Variants in ENOPH1 observed in about 807,000 individuals in gnomAD.
The protein encoded by ENOPH1 is enolase-phosphatase E1.
Under a neutral mutation model 31.1 loss-of-function variants are expected in ENOPH1, and 14 were observed. The observed-to-expected ratio is 0.45, with a 90% CI of 0.30 to 0.70. ENOPH1 has a LOEUF of 0.70. ENOPH1 is among the 30% of genes least tolerant of loss of function. The pLI, the probability that ENOPH1 is intolerant of heterozygous loss-of-function variation, is 0.09. For missense variants in ENOPH1, 243 were observed against 321.5 expected, an observed-to-expected ratio of 0.76 and a Z score of 1.87; for synonymous variants, 127 against 123.2, an observed-to-expected ratio of 1.03 and a Z score of -0.21.
rs1312376145 is a variant in ENOPH1, at chr4:82,460,442, GT to G, written c.*323del. The G allele has an allele frequency of 5.5e-6, 1 of 180,416 alleles. No homozygotes were observed. Among genetic ancestry groups the G allele is most frequent in the Non-Finnish European group, 1.1e-5 (1 of 87,290 alleles). The allele number at this position is 180,416 out of a possible 1,614,324, so 11.2% of individuals were successfully genotyped here. A position where few individuals can be genotyped will look rare whatever the true frequency, so the allele number is the denominator to read the frequency against. ...TAATGTGCTATGTTTATCAAATCGTGTACTAAAATGGAAAGCTAGTTTTGAG... is the reference window on the plus strand; with the variant it reads ...TAATGTGCTATGTTTATCAAATCGTGACTAAAATGGAAAGCTAGTTTTGAG... On this transcript the variant is annotated 3_prime_UTR_variant, in exon 6 of 6. Coordinates refer to ENST00000273920, the MANE Select transcript of ENOPH1 (RefSeq NM_021204.5).
In ENOPH1 at chr4:82,450,323, G is replaced by A. The variant is rs72909838; in HGVS notation, c.187-720G>A. Among the ~76,000 whole-genome samples the A allele has an allele frequency of 4.2e-3, 639 of 152,310 alleles. 4 individuals are homozygous for A. Among genetic ancestry groups the A allele is most frequent in the East Asian group, 0.04 (207 of 5,188 alleles). On this transcript the variant is annotated intron_variant, in intron 2 of 5. Transcript: ENST00000273920. ...CACATAAATGTTATAACAAAATGATGTTGAAGGAAATGACATTACTTGAGA... is the reference window on the plus strand; with the variant it reads ...CACATAAATGTTATAACAAAATGATATTGAAGGAAATGACATTACTTGAGA...
chr4:82,430,879 T>C lies in ENOPH1; in HGVS notation c.50T>C (p.Ile17Thr). The change falls in exon 1 of 6, where the codon ATC becomes ACC. Residue 17 changes from isoleucine (I) to threonine (T), a missense_variant. Ile to Thr is a moderately conservative substitution (Grantham distance 89). Coordinates refer to ENST00000273920, the MANE Select transcript of ENOPH1 (RefSeq NM_021204.5). ...GAAGTCACCGTGATCCTGTTAGATA[T>C]CGAAGGTACCACAACCCCGATTGCT... is the stretch of plus-strand genomic sequence containing the variant. ...PAEVTVILLD[I>T]EGTTTPIAFV... is the part of the protein sequence containing the mutation. 6.2e-7 allele frequency: 1 copy of C among 1,614,210 alleles called. No individual in the cohort carries two copies. Among genetic ancestry groups the C allele is most frequent in the Non-Finnish European group, 8.5e-7 (1 of 1,180,014 alleles).
chr4:82,446,291 G>A (rs1560465566), intron 1 of ENOPH1, among the ~76,000 whole-genome samples: 2 of 151,978 alleles, frequency 1.3e-5, no homozygotes, highest in Admixed American at 6.6e-5. Context: ...GGTGGCAGGT[G>A]CCTGTAATCC....
intron 4 of ENOPH1, among the ~76,000 whole-genome samples, chr4:82,455,551 T>A (rs764130783): frequency 6.6e-6 from 1 of 151,804 alleles, no homozygotes; most frequent in African/African-American, 2.4e-5. Context: ...GAGGCCAAGG[T>A]GGGCGGATCA....
intron 1 of ENOPH1, among the ~76,000 whole-genome samples, chr4:82,437,659 G>A (rs1184010079): frequency 6.6e-6 from 1 of 152,200 alleles, no homozygotes; most frequent in Non-Finnish European, 1.5e-5. Context: ...TTCGTCCTCT[G>A]AACTCATTGT....
At chr4:82,434,236 G>A (rs1010460131) in intron 1 of ENOPH1, among the ~76,000 whole-genome samples, 2 of 152,204 alleles carry the variant, frequency 1.3e-5, no homozygotes, top group African/African-American at 4.8e-5. Context: ...TATGTTAAAT[G>A]ACACAGTTAG....
chr4:82,439,362 C>A (rs767179848), intron 1 of ENOPH1, among the ~76,000 whole-genome samples: 7 of 152,160 alleles, frequency 4.6e-5, no homozygotes, highest in Non-Finnish European at 1.0e-4. Context: ...GTAATTTCAG[C>A]ATTGAGACCT....
chr4:82,441,599 A>C (rs1722042876), intron 1 of ENOPH1, among the ~76,000 whole-genome samples: 2 of 152,142 alleles, frequency 1.3e-5, no homozygotes, highest in African/African-American at 4.8e-5. Context: ...GCGCCACTGC[A>C]CTCCAGCCTG....
intron 2 of ENOPH1, among the ~76,000 whole-genome samples, chr4:82,448,650 G>A (rs1041273519): frequency 2.0e-5 from 3 of 151,894 alleles, no homozygotes; most frequent in Admixed American, 6.6e-5. Flanking sequence ...GGCTGGGCAC[G>A]GTGGCTCACA....
chr4:82,454,110 A>C (rs1722422633), intron 3 of ENOPH1, among the ~76,000 whole-genome samples: 1 of 151,188 alleles, frequency 6.6e-6, no homozygotes, highest in African/African-American at 2.4e-5. Context: ...ACTACCTGGG[A>C]GGCTGAGGTG....
At chr4:82,450,118 A>G (rs1722309395) in intron 2 of ENOPH1, among the ~76,000 whole-genome samples, 1 of 152,214 alleles carries the variant, frequency 6.6e-6, no homozygotes, top group African/African-American at 2.4e-5. Context: ...TTCAAAATGT[A>G]GTTATGTCCT....
chr4:82,447,837 A>T, intron 1 of ENOPH1, 83 bp from the exon 2 acceptor site: 3 of 722,648 alleles, frequency 4.2e-6, no homozygotes, highest in Admixed American at 3.1e-5. Context: ...TGTTACAGTT[A>T]TGTAGGTAAG....
intron 1 of ENOPH1, among the ~76,000 whole-genome samples, chr4:82,439,429 A>G (rs1721985729): frequency 6.6e-6 from 1 of 152,170 alleles, no homozygotes; most frequent in African/African-American, 2.4e-5. Context: ...GCTTGTGTAT[A>G]CTTACTCCAG....
intron 1 of ENOPH1, among the ~76,000 whole-genome samples, chr4:82,435,516 T>A (rs186643726): frequency 2.0e-5 from 3 of 152,376 alleles, no homozygotes; most frequent in East Asian, 3.9e-4. Context: ...CTTTATGTCC[T>A]CTTATAATGT....
chr4:82,434,001 T>A (rs1175582845), intron 1 of ENOPH1, among the ~76,000 whole-genome samples: 1 of 152,182 alleles, frequency 6.6e-6, no homozygotes, highest in Admixed American at 6.5e-5. Context: ...GAGTACTGTA[T>A]ACGTGCAGTA....
At chr4:82,450,805 C>A (rs542967739) in intron 2 of ENOPH1, among the ~76,000 whole-genome samples, 4 of 152,202 alleles carry the variant, frequency 2.6e-5, no homozygotes, top group African/African-American at 7.2e-5. Context: ...TTCTCATATA[C>A]AACATGCGTC....
At chr4:82,451,683 C>G (rs1164733681) in intron 3 of ENOPH1, among the ~76,000 whole-genome samples, 1 of 152,204 alleles carries the variant, frequency 6.6e-6, no homozygotes, top group East Asian at 1.9e-4. Flanking sequence ...CTACCACGTT[C>G]TTCTTTGCTC....
chr4:82,452,900 C>CTTTTTT (rs761337281), intron 3 of ENOPH1, among the ~76,000 whole-genome samples: 2 of 115,928 alleles, frequency 1.7e-5, no homozygotes, highest in Non-Finnish European at 1.8e-5. Flanking sequence ...CTGAGAAATT[C>CTTTTTT]TTTTTTTTTT....
intron 1 of ENOPH1, among the ~76,000 whole-genome samples, chr4:82,431,233 G>A (rs1335791598): frequency 6.6e-6 from 1 of 152,264 alleles, no homozygotes; most frequent in Non-Finnish European, 1.5e-5. Flanking sequence ...CCACCCGGCA[G>A]GTGTGCACCC....
Sources: allele counts gnomAD v4.1 joint callset (sites outside exome capture counted in the v4.1 genomes callset), GRCh38; gene constraint gnomAD v4.1.1; transcripts MANE v1.5; gene names NCBI Gene and HGNC (gene_info 2026-07-23, HGNC 2026-07-21).